Variants in EGF observed in about 807,000 individuals in gnomAD.
The protein encoded by EGF is epidermal growth factor, also known as pro-epidermal growth factor.
A neutral mutation model predicts 143.8 loss-of-function variants in EGF; 95 were observed. That is an observed-to-expected ratio of 0.66 (90% CI 0.56 to 0.78). EGF has a LOEUF of 0.78. Among genes scored for constraint, EGF ranks in the 30% least tolerant of loss-of-function variants. The pLI is 0.00. For synonymous variants in EGF, 510 were observed against 510.5 expected, an observed-to-expected ratio of 1.00 and a Z score of 0.01; for missense variants, 1,320 against 1,470.9, an observed-to-expected ratio of 0.90 and a Z score of 1.68.
At chr4:109,915,120 T>C (rs1024138561) in intron 1 of EGF, among the ~76,000 whole-genome samples, 4 of 152,176 alleles carry the variant, frequency 2.6e-5, no homozygotes, top group Non-Finnish European at 2.9e-5. Context: ...AGTGCCTTCA[T>C]TGAGGTAGGT....
At chr4:109,930,373 C>A (rs1031185832) in intron 1 of EGF, among the ~76,000 whole-genome samples, 1 of 152,144 alleles carries the variant, frequency 6.6e-6, no homozygotes, top group Non-Finnish European at 1.5e-5. Flanking sequence ...TTCTTAGGGG[C>A]TTTCTGTGGG....
intron 14 of EGF, chr4:109,980,567 C>A: frequency 1.9e-6 from 1 of 517,132 alleles, no homozygotes; most frequent in East Asian, 3.5e-5. Context: ...ATAAGAATCA[C>A]ATTTGACTAA....
chr4:109,962,096 A>G (rs1745800319), intron 8 of EGF, 111 bp downstream of exon 8: 5 of 1,510,044 alleles, frequency 3.3e-6, no homozygotes, highest in Non-Finnish European at 4.6e-6. Flanking sequence ...CCAATATTGT[A>G]TACTGAAAGA....
At position 109,988,546 on chromosome 4, in the gene EGF, T is replaced by A. The variant is rs11569050; in HGVS notation, c.2609-38T>A. Reference sequence around the variant, plus strand: ...CAACTAGTCCCATTTATATCAGGATTGCCTAAATATTGCACTAGTTCATAA... The same window carrying A: ...CAACTAGTCCCATTTATATCAGGATAGCCTAAATATTGCACTAGTTCATAA... On this transcript the variant is annotated intron_variant, in intron 17 of 23. Transcript: ENST00000265171. 6.6e-3 allele frequency: 10,654 copies of A among 1,613,456 alleles called. 59 individuals are homozygous for A. Among genetic ancestry groups the A allele is most frequent in the African/African-American group, 0.024 (1,806 of 75,016 alleles).
intron 22 of EGF, among the ~76,000 whole-genome samples, chr4:110,005,477 CT>C (rs1753160469): frequency 6.6e-6 from 1 of 152,102 alleles, no homozygotes; most frequent in African/African-American, 2.4e-5. Context: ...TATAGGATGC[CT>C]AGTTAAATTC....
rs1741843220 is a variant in EGF, at chr4:109,941,040, T to C, written c.222T>C (p.Gly74=). Residue 74 remains glycine, a synonymous_variant, in exon 2 of 24, where the codon GGT becomes GGC. Coordinates refer to ENST00000265171, the MANE Select transcript of EGF (RefSeq NM_001963.6). ...TNYEQLVVDA[G]VSVIMDFHYN... ...ATGAGCAATTGGTGGTGGATGCTGG[T>C]GTCTCAGTGATCATGGATTTTCATT... 1 of 1,613,934 alleles carries C rather than the reference T, an allele frequency of 6.2e-7. No homozygotes were observed. The highest frequency in any genetic ancestry group is 8.5e-7 in the Non-Finnish European group (1 of 1,179,958).
Position 109,961,866 on chromosome 4 carries a change from T to C in EGF, c.1193T>C (p.Leu398Pro). Residue 398 changes from leucine (L) to proline (P), a missense_variant, in exon 8 of 24, where the codon CTT (leucine) becomes CCT (proline). By Grantham distance (98) the Leu-to-Pro change is moderately conservative. Around this residue, in one of 5 missense-constraint regions of EGF, gnomAD observed 1,186 missense variants for 1,313.7 expected, o/e 0.90. Coordinates refer to ENST00000265171, the MANE Select transcript of EGF (RefSeq NM_001963.6). ...GACCTTGTTCTTTATTAATTAGAAC[T>C]TGTTTCCTGTCCACGCAATGTGTCT... ...LLPDGKRCHQ[L>P]VSCPRNVSEC... is the part of the protein sequence containing the mutation. 6.2e-7 allele frequency: 1 copy of C among 1,613,762 alleles called. No homozygotes were observed. The highest frequency in any genetic ancestry group is 8.5e-7 in the Non-Finnish European group (1 of 1,179,728).
chr4:109,973,394 T>A (rs1176960124), intron 11 of EGF, among the ~76,000 whole-genome samples: 3 of 152,124 alleles, frequency 2.0e-5, no homozygotes, highest in Non-Finnish European at 4.4e-5. Flanking sequence ...ACTCTTTCCA[T>A]CCCCACCCAC....
chr4:109,980,736 T>C, intron 14 of EGF, 90 bp from the exon 15 acceptor site: 1 of 1,440,452 alleles, frequency 6.9e-7, no homozygotes, highest in Non-Finnish European at 9.8e-7. Flanking sequence ...CTAAAAGCTA[T>C]AGCTCCCTAA....
intron 8 of EGF, 76 bp from the exon 9 acceptor site, chr4:109,963,096 AC>A: frequency 6.6e-7 from 1 of 1,516,312 alleles, no homozygotes; most frequent in Non-Finnish European, 9.1e-7. Context: ...CAAATGGTTG[AC>A]TCGCCCCCAT....
chr4:109,998,673 G>T (rs1382106763), intron 20 of EGF, among the ~76,000 whole-genome samples: 1 of 152,212 alleles, frequency 6.6e-6, no homozygotes, highest in African/African-American at 2.4e-5. Flanking sequence ...CAGGCCTAGA[G>T]CCCAGATCTT....
rs767096774 is a variant in EGF, at chr4:109,999,817, C to A, written c.3144C>A (p.Leu1048=). 1.9e-5 allele frequency: 31 copies of A among 1,613,648 alleles called. No homozygotes were observed. The East Asian group carries it at 6.5e-4, about 34-fold the overall frequency. Reference sequence around the variant, plus strand: ...TGGTGGTGCTTGTCATGCTGCTCCTCCTGAGCCTGTGGGGGGCCCACTACT... The same window carrying A: ...TGGTGGTGCTTGTCATGCTGCTCCTACTGAGCCTGTGGGGGGCCCACTACT... ...VCVVVLVMLL[L]LSLWGAHYYR... The change falls in exon 21 of 24, where the codon CTC becomes CTA. Residue 1048 remains leucine, a synonymous_variant. Coordinates refer to ENST00000265171, the MANE Select transcript of EGF (RefSeq NM_001963.6).
intron 9 of EGF, among the ~76,000 whole-genome samples, chr4:109,963,639 C>T (rs1305037195): frequency 6.6e-6 from 1 of 152,062 alleles, no homozygotes; most frequent in African/African-American, 2.4e-5. Context: ...ATTTTTATCT[C>T]TCTACTGAAT....
intron 1 of EGF, among the ~76,000 whole-genome samples, chr4:109,918,481 C>T (rs966626881): frequency 5.3e-5 from 8 of 152,070 alleles, no homozygotes; most frequent in Non-Finnish European, 8.8e-5. Context: ...GTGACCTGCA[C>T]CTCTATCATA....
intron 9 of EGF, among the ~76,000 whole-genome samples, chr4:109,963,606 A>G (rs1200867646): frequency 6.6e-6 from 1 of 152,202 alleles, no homozygotes; most frequent in Admixed American, 6.5e-5. Context: ...GAGGCATTTA[A>G]TAAGTATTTG....
intron 1 of EGF, among the ~76,000 whole-genome samples, chr4:109,937,740 T>A (rs997579324): frequency 9.9e-5 from 15 of 152,204 alleles, no homozygotes; most frequent in Admixed American, 9.8e-4. Context: ...TTTGCTTGTC[T>A]TTAAAGGATT....
chr4:109,980,126 A>G lies in EGF; in HGVS notation c.2208A>G (p.Pro736=), dbSNP rs1749114795. 3 of 1,610,042 alleles carry G rather than the reference A, an allele frequency of 1.9e-6. No individual in the cohort carries two copies. The highest frequency in any genetic ancestry group is 4.5e-5 in the East Asian group (2 of 44,802). ...LKPSSLVVVH[P]LAKPGADPCL... ...CCTCATCACTGGTTGTGGTTCATCC[A>G]TTGGCAAAACCAGGTACATACTGGA... Residue 736 remains proline (P), a synonymous_variant, in exon 14 of 24, where the codon CCA becomes CCG. Transcript: ENST00000265171.
At chr4:110,006,206 G>A (rs2126193257) in intron 22 of EGF, among the ~76,000 whole-genome samples, 1 of 152,146 alleles carries the variant, frequency 6.6e-6, no homozygotes, top group African/African-American at 2.4e-5. Flanking sequence ...TTTGCTGGGT[G>A]TGGTGGTACA....
intron 1 of EGF, among the ~76,000 whole-genome samples, chr4:109,930,306 T>C (rs1467943761): frequency 3.3e-5 from 5 of 152,188 alleles, no homozygotes; most frequent in Admixed American, 3.3e-4. Flanking sequence ...GTTCTGTACT[T>C]CATAAAACCC....
Sources: allele counts gnomAD v4.1 joint callset (sites outside exome capture counted in the v4.1 genomes callset), GRCh38; gene constraint gnomAD v4.1.1; regional missense constraint gnomAD v4.1.1; transcripts MANE v1.5; gene names NCBI Gene and HGNC (gene_info 2026-07-23, HGNC 2026-07-21).